The following KLHL29 variants were observed in gnomAD, a reference collection of about 807,000 sequenced individuals.
KLHL29 encodes the protein kelch like family member 29.
Under a neutral mutation model 80.4 loss-of-function variants are expected in KLHL29, and 21 were observed. The observed-to-expected ratio is 0.26, with a 90% CI of 0.19 to 0.38. The LOEUF is 0.38. KLHL29 is among the 10% of genes least tolerant of loss of function. KLHL29 has a pLI of 1.00. For synonymous variants in KLHL29, 511 were observed against 526.8 expected (o/e 0.97, Z 0.41); for missense variants, 867 against 1,223.9 (o/e 0.71, Z 4.35).
At chr2:23,569,518 A>T (rs1054715693) in intron 3 of KLHL29, among the ~76,000 whole-genome samples, 7 of 151,790 alleles carry the variant, frequency 4.6e-5, no homozygotes, top group Admixed American at 3.9e-4. Flanking sequence ...CAATTAAACA[A>T]TTTTTTTTTC....
At chr2:23,423,811 C>T (rs909315589) in intron 1 of KLHL29, among the ~76,000 whole-genome samples, 1 of 152,216 alleles carries the variant, frequency 6.6e-6, no homozygotes, top group Non-Finnish European at 1.5e-5. Flanking sequence ...CCCAGCACAA[C>T]GATGTGTCCG....
Position 23,419,959 on chromosome 2 carries a change from T to C in KLHL29, c.-154+34179T>C, listed in dbSNP as rs78482199. ...TTCTCCCCACTGAGCCACAGAGGCC[T>C]TGTCATGTAACACATCACAAAGGTT... is the stretch of plus-strand genomic sequence containing the variant. On this transcript the variant is annotated intron_variant, in intron 1 of 13. Coordinates refer to ENST00000486442, the MANE Select transcript of KLHL29 (RefSeq NM_052920.2). Among the ~76,000 whole-genome samples the C allele has an allele frequency of 4.4e-3, 667 of 152,316 alleles. 2 individuals carry two copies. The highest frequency in any genetic ancestry group is 7.5e-3 in the Non-Finnish European group (510 of 68,024).
chr2:23,406,512 A>G (rs773332705), intron 1 of KLHL29, among the ~76,000 whole-genome samples: 3 of 152,064 alleles, frequency 2.0e-5, no homozygotes, highest in Non-Finnish European at 2.9e-5. Flanking sequence ...TGTAATTGAA[A>G]ATTACTCTTA....
chr2:23,557,642 G>A (rs1281692002), intron 2 of KLHL29, among the ~76,000 whole-genome samples: 1 of 152,154 alleles, frequency 6.6e-6, no homozygotes, highest in East Asian at 1.9e-4. Flanking sequence ...CCCCAAGGCA[G>A]AGAGTGGAGA....
At chr2:23,650,830 C>A (rs1670069969) in intron 5 of KLHL29, among the ~76,000 whole-genome samples, 1 of 152,128 alleles carries the variant, frequency 6.6e-6, no homozygotes, top group East Asian at 1.9e-4. Context: ...CTGGACTGAG[C>A]CCTAGAGTTT....
intron 1 of KLHL29, among the ~76,000 whole-genome samples, chr2:23,419,527 C>T (rs1367812807): frequency 6.6e-6 from 1 of 152,252 alleles, no homozygotes; most frequent in African/African-American, 2.4e-5. Flanking sequence ...TGACTCATCT[C>T]TTTAATCACT....
intron 2 of KLHL29, among the ~76,000 whole-genome samples, chr2:23,544,746 G>A (rs1666938838): frequency 6.6e-6 from 1 of 152,182 alleles, no homozygotes; most frequent in African/African-American, 2.4e-5. Flanking sequence ...GGGGAGGATG[G>A]GCCCGGCACA....
chr2:23,603,292 A>G (rs1428355366), intron 3 of KLHL29, among the ~76,000 whole-genome samples: 1 of 152,190 alleles, frequency 6.6e-6, no homozygotes, highest in Non-Finnish European at 1.5e-5. Context: ...AACCCCGTTC[A>G]TCCCACGTGG....
intron 1 of KLHL29, among the ~76,000 whole-genome samples, chr2:23,461,970 T>A (rs1319534533): frequency 1.2e-5 from 1 of 84,398 alleles, no homozygotes; most frequent in Non-Finnish European, 2.5e-5. Context: ...AATTGCGGTT[T>A]TTGCCATTTT....
chr2:23,512,401 C>T (rs1008145379), intron 2 of KLHL29, among the ~76,000 whole-genome samples: 21 of 151,280 alleles, frequency 1.4e-4, no homozygotes, highest in African/African-American at 3.4e-4. Context: ...GCAGAGATCG[C>T]GCCATTGCAC....
At chr2:23,508,075 G>T (rs1469024337) in intron 2 of KLHL29, among the ~76,000 whole-genome samples, 2 of 152,192 alleles carry the variant, frequency 1.3e-5, no homozygotes, top group Non-Finnish European at 2.9e-5. Context: ...CCCAGCAGGG[G>T]CCTGGGTCTG....
At chr2:23,532,936 A>G (rs1666542536) in intron 2 of KLHL29, among the ~76,000 whole-genome samples, 1 of 152,128 alleles carries the variant, frequency 6.6e-6, no homozygotes, top group African/African-American at 2.4e-5. Context: ...GGAGGAGCTC[A>G]GCTGGCGGTG....
At chr2:23,698,404 C>T (rs1317218056) in intron 11 of KLHL29, among the ~76,000 whole-genome samples, 1 of 152,096 alleles carries the variant, frequency 6.6e-6, no homozygotes, top group African/African-American at 2.4e-5. Flanking sequence ...AGACCCCCTT[C>T]GGGTAGGTTG....
At chr2:23,646,290 TG>T (rs1669931176) in intron 5 of KLHL29, among the ~76,000 whole-genome samples, 1 of 152,246 alleles carries the variant, frequency 6.6e-6, no homozygotes, top group African/African-American at 2.4e-5. Context: ...CAGCTGTGCG[TG>T]CCTGATGACA....
chr2:23,447,755 G>A (rs1336412187), intron 1 of KLHL29, among the ~76,000 whole-genome samples: 1 of 152,166 alleles, frequency 6.6e-6, no homozygotes, highest in Non-Finnish European at 1.5e-5. Context: ...GCAAAACCCA[G>A]CCTAAACTGA....
chr2:23,604,338 G>A (rs1209017405), intron 3 of KLHL29, among the ~76,000 whole-genome samples: 1 of 152,090 alleles, frequency 6.6e-6, no homozygotes, highest in East Asian at 1.9e-4. Context: ...CTTGTGATCT[G>A]CCTGCCTCGG....
At chr2:23,599,230 A>G (rs1668506871) in intron 3 of KLHL29, among the ~76,000 whole-genome samples, 1 of 152,160 alleles carries the variant, frequency 6.6e-6, no homozygotes. Context: ...TGTTGCCCCC[A>G]GCCTTGCCTA....
intron 1 of KLHL29, among the ~76,000 whole-genome samples, chr2:23,473,640 A>G (rs1664556606): frequency 6.6e-6 from 1 of 152,102 alleles, no homozygotes; most frequent in African/African-American, 2.4e-5. Context: ...TTCCATATTC[A>G]TTCGGCACAG....
chr2:23,573,072 C>T (rs997912114), intron 3 of KLHL29, among the ~76,000 whole-genome samples: 1 of 160 alleles, frequency 6.3e-3, no homozygotes, highest in East Asian at 0.5. Context: ...CTCACGGGTT[C>T]GTAGTTGGGC....
Sources: allele counts gnomAD v4.1 joint callset (sites outside exome capture counted in the v4.1 genomes callset), GRCh38; gene constraint gnomAD v4.1.1; transcripts MANE v1.5; gene names NCBI Gene and HGNC (gene_info 2026-07-23, HGNC 2026-07-21).